The following SLC8A1 variants were observed in gnomAD, a reference collection of about 807,000 sequenced individuals.
SLC8A1 encodes the protein sodium/calcium exchanger 1.
A neutral mutation model predicts 68.3 loss-of-function variants in SLC8A1; 18 were observed. That is an observed-to-expected ratio of 0.26 (90% CI 0.18 to 0.39). SLC8A1 has a LOEUF of 0.39. Ranked by LOEUF, SLC8A1 falls within the 10% of genes least tolerant of loss-of-function variation. The pLI is 1.00. For synonymous variants in SLC8A1, 475 were observed against 415.5 expected (o/e 1.14, Z -1.74); for missense variants, 985 against 1,156.7 (o/e 0.85, Z 2.15).
chr2:40,178,329 C>T, intron 2 of SLC8A1, 58 bp downstream of exon 3: 1 of 1,288,050 alleles, frequency 7.8e-7, no homozygotes, highest in South Asian at 1.2e-5. Context: ...TGCAGGCATC[C>T]AGGGGTGGCA....
intron 2 of SLC8A1, among the ~76,000 whole-genome samples, chr2:40,296,410 G>C (rs932142909): frequency 1.3e-5 from 2 of 152,040 alleles, no homozygotes; most frequent in African/African-American, 2.4e-5. Flanking sequence ...AGGGCAAACA[G>C]AAAAAAGTCA....
At chr2:40,371,156 T>C (rs989020407) in intron 2 of SLC8A1, among the ~76,000 whole-genome samples, 11 of 152,218 alleles carry the variant, frequency 7.2e-5, no homozygotes, top group African/African-American at 2.6e-4. Flanking sequence ...GCCCAGCCCC[T>C]GGAATGATCC....
At chr2:40,432,634 C>G (rs1698591766) in intron 1 of SLC8A1, among the ~76,000 whole-genome samples, 1 of 151,728 alleles carries the variant, frequency 6.6e-6, no homozygotes. Context: ...ACCAATGTAG[C>G]AAGAGGGTAA....
At chr2:40,261,391 G>A (rs1342195005) in intron 2 of SLC8A1, among the ~76,000 whole-genome samples, 1 of 152,154 alleles carries the variant, frequency 6.6e-6, no homozygotes, top group Non-Finnish European at 1.5e-5. Context: ...GTACCAAGCA[G>A]GGGCACCAAT....
At chr2:40,364,124 T>C (rs1026246127) in intron 2 of SLC8A1, among the ~76,000 whole-genome samples, 1 of 152,072 alleles carries the variant, frequency 6.6e-6, no homozygotes, top group Non-Finnish European at 1.5e-5. Context: ...GCCTGATAAG[T>C]ATTTGCTCTT....
chr2:40,472,646 G>T (rs1704057787), intron 1 of SLC8A1, among the ~76,000 whole-genome samples: 1 of 152,070 alleles, frequency 6.6e-6, no homozygotes, highest in South Asian at 2.1e-4. Flanking sequence ...GGGATTATTG[G>T]TGGGAACTAC....
chr2:40,289,980 A>G (rs1306410831), intron 2 of SLC8A1, among the ~76,000 whole-genome samples: 1 of 152,054 alleles, frequency 6.6e-6, no homozygotes, highest in African/African-American at 2.4e-5. Context: ...TTTTTTAGGT[A>G]GTTGGTGCTA....
chr2:40,246,296 G>A (rs986995537), intron 2 of SLC8A1, among the ~76,000 whole-genome samples: 5 of 152,120 alleles, frequency 3.3e-5, no homozygotes, highest in Non-Finnish European at 5.9e-5. Context: ...CTTGAAATAC[G>A]CAAACTGTGG....
At chr2:40,304,066 A>T (rs2072091486) in intron 2 of SLC8A1, among the ~76,000 whole-genome samples, 1 of 152,234 alleles carries the variant, frequency 6.6e-6, no homozygotes, top group Non-Finnish European at 1.5e-5. Flanking sequence ...GCTGTTGCAT[A>T]AATGCAAAAT....
chr2:40,359,567 C>A (rs186524619), intron 2 of SLC8A1, among the ~76,000 whole-genome samples: 28 of 152,014 alleles, frequency 1.8e-4, no homozygotes, highest in Admixed American at 1.6e-3. Flanking sequence ...CTGTGTACTG[C>A]ATTATAACAG....
In SLC8A1 at chr2:40,245,662, T is replaced by C. The variant is rs543063667; in HGVS notation, c.1809-67807A>G. On this transcript the variant is annotated intron_variant, in intron 2 of 7. Transcript: ENST00000406785. ...TTGCATTAATATTGTCATTTTGTTT[T>C]ATATTACTTAAAAAGTCAAACTTTT... Among the ~76,000 whole-genome samples, 17 of 152,302 alleles carry C rather than the reference T, an allele frequency of 1.1e-4. No homozygotes were observed. In the South Asian group the frequency reaches 3.5e-3, roughly 32 times the overall value.
chr2:40,402,286 A>G (rs1688975652), intron 2 of SLC8A1, among the ~76,000 whole-genome samples: 1 of 152,220 alleles, frequency 6.6e-6, no homozygotes, highest in Non-Finnish European at 1.5e-5. Context: ...TCAGGAAGTT[A>G]ACATGTATGG....
At chr2:40,237,829 G>A (rs1010220822) in intron 2 of SLC8A1, among the ~76,000 whole-genome samples, 1 of 152,148 alleles carries the variant, frequency 6.6e-6, no homozygotes, top group Admixed American at 6.5e-5. Context: ...TAACAGACAG[G>A]ACCCTCAGCT....
rs988343103 is a variant in SLC8A1, at chr2:40,396,997, G to T, written c.1808+31476C>A. Among the ~76,000 whole-genome samples the T allele has an allele frequency of 3.3e-5, 5 of 152,138 alleles. No individual in the cohort carries two copies. The South Asian group carries it at 1.0e-3, about 31-fold the overall frequency. ...CTGCAATTTCCATGGCCCTGGAAAA[G>T]TAATGTCTAAATATTGCTTAACTGA... is the stretch of plus-strand genomic sequence containing the variant. On this transcript the variant is annotated intron_variant, in intron 2 of 7. Coordinates refer to ENST00000406785, the Ensembl canonical transcript of SLC8A1.
chr2:40,487,921 T>A (rs1705073120), intron 1 of SLC8A1, among the ~76,000 whole-genome samples: 1 of 152,132 alleles, frequency 6.6e-6, no homozygotes, highest in Non-Finnish European at 1.5e-5. Context: ...CCATTTAATC[T>A]CTGATACCAC....
exon 2 of SLC8A1, chr2:40,430,026 C>G: frequency 6.2e-7 from 1 of 1,613,844 alleles, no homozygotes; most frequent in Non-Finnish European, 8.5e-7. Context: ...ACATGTAGAC[C>G]ATGGCCACAA....
intron 2 of SLC8A1, among the ~76,000 whole-genome samples, chr2:40,258,293 T>G (rs2064215766): frequency 6.6e-6 from 1 of 152,220 alleles, no homozygotes. Context: ...TTCTAGCCAC[T>G]GTGAGTGCTG....
In SLC8A1 at chr2:40,482,739, C is replaced by CAG. The variant is rs906814263; in HGVS notation, c.-25+29608_-25+29609dup. Among the ~76,000 whole-genome samples the CAG allele has an allele frequency of 6.2e-4, 94 of 151,572 alleles. 1 individual carries two copies. The highest frequency in any genetic ancestry group is 2.1e-3 in the African/African-American group (85 of 41,332). On this transcript the variant is annotated intron_variant, in intron 1 of 7. Coordinates refer to the SLC8A1 transcript ENST00000402441. The stretch of plus-strand genomic sequence containing the variant: ...TAGACACTTCCTGTTTTCTGAAACC[C>CAG]AGAGAGACAATGTTTTTCCTTATTT...
chr2:40,260,883 T>C (rs944792645), intron 2 of SLC8A1, among the ~76,000 whole-genome samples: 3 of 152,174 alleles, frequency 2.0e-5, no homozygotes, highest in Non-Finnish European at 2.9e-5. Context: ...GCAAACTTTG[T>C]AGAATTCTAA....
Sources: gnomAD v4.1 joint callset for allele counts (sites outside exome capture counted in the v4.1 genomes callset) on GRCh38, gnomAD v4.1.1 for gene constraint, MANE v1.5 for transcripts, NCBI Gene and HGNC (gene_info 2026-07-23, HGNC 2026-07-21) for gene names.